The following CHD9 variants were observed in gnomAD, a reference collection of about 807,000 sequenced individuals.
CHD9 encodes chromodomain helicase DNA binding protein 9.
CHD9 carries 77 observed loss-of-function variants against 316.1 expected under a neutral mutation model. The observed-to-expected ratio is 0.24, with a 90% CI of 0.20 to 0.29. CHD9 has a LOEUF of 0.29. CHD9 is among the 10% of genes least tolerant of loss of function. CHD9 has a pLI of 1.00. For missense variants in CHD9, 2,763 were observed against 3,438.1 expected (o/e 0.80, Z 4.91); for synonymous variants, 1,129 against 1,158.3 (o/e 0.97, Z 0.51).
chr16:53,308,443 G>A (rs1460677527), intron 33 of CHD9, among the ~76,000 whole-genome samples: 1 of 152,096 alleles, frequency 6.6e-6, no homozygotes, highest in East Asian at 1.9e-4. Context: ...GTAACATCTT[G>A]TTTTGGTCAG....
chr16:53,177,869 A>T (rs2043191751), intron 2 of CHD9, among the ~76,000 whole-genome samples: 1 of 152,028 alleles, frequency 6.6e-6, no homozygotes, highest in African/African-American at 2.4e-5. Flanking sequence ...AGGCTATTCT[A>T]CTCTATTCTA....
At chr16:53,237,696 G>A (rs1399106428) in intron 11 of CHD9, among the ~76,000 whole-genome samples, 2 of 152,074 alleles carry the variant, frequency 1.3e-5, no homozygotes, top group Non-Finnish European at 2.9e-5. Flanking sequence ...ACTCTTTTGA[G>A]CCTCCATAAT....
At chr16:53,308,293 A>T (rs2056165724) in intron 33 of CHD9, among the ~76,000 whole-genome samples, 1 of 152,192 alleles carries the variant, frequency 6.6e-6, no homozygotes, top group South Asian at 2.1e-4. Context: ...CCCTGTTATC[A>T]GTATTGTTTC....
chr16:53,189,641 G>C (rs1199679350), intron 2 of CHD9, among the ~76,000 whole-genome samples: 1 of 151,860 alleles, frequency 6.6e-6, no homozygotes, highest in African/African-American at 2.4e-5. Context: ...TCTGCAGTTT[G>C]AATTTATGAT....
intron 4 of CHD9, among the ~76,000 whole-genome samples, chr16:53,224,316 G>A (rs901925758): frequency 2.0e-5 from 3 of 152,174 alleles, no homozygotes; most frequent in Non-Finnish European, 2.9e-5. Context: ...TAGTAGCGAC[G>A]TTCTATGGTG....
At chr16:53,162,232 A>C (rs2041964228) in intron 2 of CHD9, among the ~76,000 whole-genome samples, 1 of 152,318 alleles carries the variant, frequency 6.6e-6, no homozygotes, top group African/African-American at 2.4e-5. Context: ...GAGAGGCCAG[A>C]GGGAGATGAA....
intron 19 of CHD9, among the ~76,000 whole-genome samples, chr16:53,258,240 C>T (rs949656099): frequency 1.3e-5 from 2 of 152,086 alleles, no homozygotes; most frequent in African/African-American, 4.8e-5. Flanking sequence ...CTTGGCCTTT[C>T]CTACTTTACT....
chr16:53,112,248 G>T (rs1312336877), intron 1 of CHD9, among the ~76,000 whole-genome samples: 1 of 152,180 alleles, frequency 6.6e-6, no homozygotes, highest in Non-Finnish European at 1.5e-5. Flanking sequence ...GTTCAAGTTT[G>T]TTGCCCTAAT....
rs186464149 is a variant in CHD9 at position 53,324,678 on chromosome 16, A to C, written c.8477A>C (p.Asp2826Ala). 4 of 1,613,600 alleles carry C rather than the reference A, an allele frequency of 2.5e-6. No individual in the cohort carries two copies. The African/African-American group carries it at 5.3e-5, about 22-fold the overall frequency. Residue 2826 changes from aspartate (D) to alanine (A), a missense_variant, in exon 39 of 39, where the codon GAT (aspartate) becomes GCT (alanine). Asp to Ala is a moderately radical substitution (Grantham distance 126, BLOSUM62 -2). Transcript: ENST00000447540. ...ACTTTGTCCCAGTCCAATACTTTTG[A>C]TGTACAAAACAAAAACAGTGACTTA... The part of the protein sequence containing the change: ...IPTLSQSNTF[D>A]VQNKNSDLGS...
At chr16:53,092,754 A>T (rs541671858) in intron 1 of CHD9, among the ~76,000 whole-genome samples, 1 of 152,196 alleles carries the variant, frequency 6.6e-6, no homozygotes, top group South Asian at 2.1e-4. Flanking sequence ...TTCCAGAGGC[A>T]CCTGCACCTT....
At position 53,267,940 on chromosome 16, in the gene CHD9, A is replaced by C. The variant is rs1183364674; in HGVS notation, c.4531A>C (p.Arg1511=). 13 of 1,613,472 alleles carry C rather than the reference A, an allele frequency of 8.1e-6. No individual in the cohort carries two copies. Among genetic ancestry groups the C allele is most frequent in the Non-Finnish European group, 1.1e-5 (13 of 1,179,558 alleles). Reference sequence around the variant, plus strand: ...TTTTTTAACCAGGTGGGGCCGATGGAGAGAGATTCTATCTCATGGCCGTTT... The same window carrying C: ...TTTTTTAACCAGGTGGGGCCGATGGCGAGAGATTCTATCTCATGGCCGTTT... ...NLLVYGWGRW[R]EILSHGRFKR... The change falls in exon 22 of 39, where the codon AGA becomes CGA. Residue 1511 remains arginine (R), a synonymous_variant. Transcript: ENST00000447540.
At chr16:53,228,731 A>G (rs1168070428) in intron 7 of CHD9, among the ~76,000 whole-genome samples, 3 of 152,144 alleles carry the variant, frequency 2.0e-5, no homozygotes, top group African/African-American at 4.8e-5. Context: ...GTATCTTGCA[A>G]TTAGACTTTT....
chr16:53,184,037 T>C (rs1265949382), intron 2 of CHD9, among the ~76,000 whole-genome samples: 1 of 151,974 alleles, frequency 6.6e-6, no homozygotes. Flanking sequence ...CTCCTCCTCT[T>C]GGGTTCATGC....
intron 28 of CHD9, among the ~76,000 whole-genome samples, chr16:53,292,183 C>G (rs989131833): frequency 6.6e-6 from 1 of 152,210 alleles, no homozygotes; most frequent in African/African-American, 2.4e-5. Context: ...TAGAAATGCA[C>G]TGTCACAAGA....
intron 3 of CHD9, among the ~76,000 whole-genome samples, chr16:53,218,345 G>A (rs1347560991): frequency 3.3e-5 from 5 of 151,220 alleles, no homozygotes; most frequent in African/African-American, 1.2e-4. Context: ...CAAATAATTA[G>A]TATAACAAAA....
At chr16:53,136,555 C>CT (rs2039723563) in intron 1 of CHD9, among the ~76,000 whole-genome samples, 1 of 127,246 alleles carries the variant, frequency 7.9e-6, no homozygotes, top group Admixed American at 7.4e-5. Context: ...GTACCTTTTC[C>CT]TAAAAAAAAA....
intron 2 of CHD9, among the ~76,000 whole-genome samples, chr16:53,204,023 CA>C (rs530552464): frequency 0.014 from 683 of 48,190 alleles, 6 homozygotes; most frequent in African/African-American, 0.023. Context: ...GACTCCATCT[CA>C]AAAAAAAAAA....
chr16:53,283,776 T>C (rs1047969919), intron 24 of CHD9, among the ~76,000 whole-genome samples: 2 of 152,198 alleles, frequency 1.3e-5, no homozygotes, highest in African/African-American at 4.8e-5. Flanking sequence ...AAAATGTCAA[T>C]TGTGACCCTT....
At chr16:53,178,366 C>A (rs142767625) in intron 2 of CHD9, among the ~76,000 whole-genome samples, 7 of 151,744 alleles carry the variant, frequency 4.6e-5, no homozygotes, top group African/African-American at 1.7e-4. Context: ...CTTTGGGCTC[C>A]ATATCTTCTG....
Sources: allele counts gnomAD v4.1 joint callset (sites outside exome capture counted in the v4.1 genomes callset), GRCh38; gene constraint gnomAD v4.1.1; transcripts MANE v1.5; gene names NCBI Gene and HGNC (gene_info 2026-07-23, HGNC 2026-07-21).